MAST4: variants seen among roughly 807,000 people sequenced by gnomAD.
MAST4 encodes microtubule-associated serine/threonine-protein kinase 4.
A neutral mutation model predicts 162.7 loss-of-function variants in MAST4; 89 were observed. The observed-to-expected ratio is 0.55, with a 90% CI of 0.46 to 0.65. The LOEUF is 0.65. Ranked by LOEUF, MAST4 falls within the 30% of genes least tolerant of loss-of-function variation. The pLI, the probability that MAST4 is intolerant of heterozygous loss-of-function variation, is 0.00. For synonymous variants in MAST4, 1,479 were observed against 1,361.1 expected (o/e 1.09, Z -1.91); for missense variants, 3,153 against 3,374.0 (o/e 0.93, Z 1.62).
intron 1 of MAST4, among the ~76,000 whole-genome samples, chr5:66,646,480 T>C (rs1358421494): frequency 6.6e-6 from 1 of 152,172 alleles, no homozygotes; most frequent in Non-Finnish European, 1.5e-5. Context: ...GACATTCTGT[T>C]CCTACTTGTC....
chr5:66,741,974 T>C (rs1389630371), intron 1 of MAST4, among the ~76,000 whole-genome samples: 1 of 152,226 alleles, frequency 6.6e-6, no homozygotes, highest in South Asian at 2.1e-4. Flanking sequence ...TTCAGGTTGT[T>C]ATATACTAGA....
At chr5:66,918,858 G>T (rs149218817) in intron 4 of MAST4, among the ~76,000 whole-genome samples, 1 of 152,206 alleles carries the variant, frequency 6.6e-6, no homozygotes, top group African/African-American at 2.4e-5. Context: ...ATATATTAAT[G>T]ATATACTTAG....
chr5:67,033,947 A>T (rs540837939), intron 4 of MAST4, among the ~76,000 whole-genome samples: 1 of 152,162 alleles, frequency 6.6e-6, no homozygotes, highest in South Asian at 2.1e-4. Context: ...TAGATTTGTA[A>T]CCCTGTTTAT....
chr5:66,705,170 C>T (rs1750050864), intron 1 of MAST4, among the ~76,000 whole-genome samples: 2 of 152,194 alleles, frequency 1.3e-5, no homozygotes, highest in South Asian at 2.1e-4. Flanking sequence ...TTTTTATTTA[C>T]ATGTGGTAGT....
intron 4 of MAST4, among the ~76,000 whole-genome samples, chr5:67,020,426 A>G (rs1274397124): frequency 6.6e-6 from 1 of 152,200 alleles, no homozygotes; most frequent in Non-Finnish European, 1.5e-5. Flanking sequence ...CCCCTTTGGT[A>G]TGAAGGAATT....
chr5:66,633,854 G>A (rs1020421022), intron 1 of MAST4, among the ~76,000 whole-genome samples: 1 of 152,064 alleles, frequency 6.6e-6, no homozygotes, highest in African/African-American at 2.4e-5. Context: ...TTTTAGACTT[G>A]GTTCTTCTGA....
chr5:66,776,344 C>T (rs1371928235), intron 2 of MAST4, among the ~76,000 whole-genome samples: 6 of 152,062 alleles, frequency 3.9e-5, no homozygotes, highest in Non-Finnish European at 7.4e-5. Context: ...AGCAAAAGAG[C>T]GTCATTGAGT....
intron 3 of MAST4, among the ~76,000 whole-genome samples, chr5:66,882,514 C>T (rs1761756992): frequency 6.6e-6 from 1 of 151,978 alleles, no homozygotes; most frequent in African/African-American, 2.4e-5. Flanking sequence ...CTTTACTCTG[C>T]CAGTTAGTAA....
chr5:66,821,708 G>T (rs1383893571), intron 3 of MAST4, among the ~76,000 whole-genome samples: 3 of 152,150 alleles, frequency 2.0e-5, no homozygotes, highest in East Asian at 1.9e-4. Flanking sequence ...GGCATGTGAG[G>T]CTCAGCTCAT....
At chr5:66,942,550 A>C (rs1368148244) in intron 4 of MAST4, among the ~76,000 whole-genome samples, 1 of 152,188 alleles carries the variant, frequency 6.6e-6, no homozygotes, top group Non-Finnish European at 1.5e-5. Flanking sequence ...AGTGGCTGTC[A>C]TGCAGTGTGA....
At chr5:66,883,489 C>T (rs553698317) in intron 3 of MAST4, among the ~76,000 whole-genome samples, 27 of 138,366 alleles carry the variant, frequency 2.0e-4, no homozygotes, top group East Asian at 1.3e-3. Flanking sequence ...AGTGCAGTGG[C>T]GTGATCTCGG....
At chr5:66,625,520 G>A (rs910505633) in intron 1 of MAST4, among the ~76,000 whole-genome samples, 4 of 152,020 alleles carry the variant, frequency 2.6e-5, no homozygotes, top group Admixed American at 6.6e-5. Context: ...CCAATTAAAC[G>A]GGCAAAGTAC....
chr5:66,764,487 A>G (rs1053065814), intron 2 of MAST4, among the ~76,000 whole-genome samples: 1 of 152,180 alleles, frequency 6.6e-6, no homozygotes, highest in African/African-American at 2.4e-5. Context: ...CATTTTGGTC[A>G]GTGATGGGCC....
At chr5:66,930,750 C>G in intron 4 of MAST4, 1 of 470,822 alleles carries the variant, frequency 2.1e-6, no homozygotes, top group South Asian at 1.5e-5. Flanking sequence ...CTTTCAGCAA[C>G]TGAGCGATTC....
intron 4 of MAST4, among the ~76,000 whole-genome samples, chr5:67,033,315 C>CTGTGTGTGTGTGTG (rs146627241): frequency 0.015 from 1,850 of 125,956 alleles, 32 homozygotes; most frequent in African/African-American, 0.026. Context: ...TTTCATTTCT[C>CTGTGTGTGTGTGTG]TGTGTGTGTG....
intron 1 of MAST4, among the ~76,000 whole-genome samples, chr5:66,700,061 A>G (rs977333626): frequency 3.9e-5 from 6 of 152,116 alleles, no homozygotes; most frequent in African/African-American, 1.2e-4. Context: ...TTTGGTGTTG[A>G]CTGCAGCCCA....
intron 4 of MAST4, among the ~76,000 whole-genome samples, chr5:67,030,874 G>T (rs1038334781): frequency 6.6e-5 from 10 of 152,140 alleles, no homozygotes; most frequent in African/African-American, 2.4e-4. Context: ...AGAGGCCAAG[G>T]TCATGGGTGT....
At position 67,054,497 on chromosome 5, in the gene MAST4, T is replaced by G. The variant is rs1758568273; in HGVS notation, c.763+5T>G. The G allele has an allele frequency of 6.2e-7, 1 of 1,600,118 alleles. No individual in the cohort carries two copies. The highest frequency in any genetic ancestry group is 8.5e-7 in the Non-Finnish European group (1 of 1,174,370). ...CACCTCTCTCTGCTCATGCAGGTAA[T>G]TGGTTACCATTTCTTGAGTTTTGTT... On this transcript the variant is annotated splice_donor_5th_base_variant and intron_variant, in intron 5 of 28. Transcript: ENST00000403625.
At chr5:67,112,046 G>GC (rs879855361) in intron 11 of MAST4, among the ~76,000 whole-genome samples, 6 of 145,202 alleles carry the variant, frequency 4.1e-5, no homozygotes, top group Non-Finnish European at 9.1e-5. Flanking sequence ...CTTGCAGCAA[G>GC]TTTTTTTTTT....
Sources: allele counts gnomAD v4.1 joint callset (sites outside exome capture counted in the v4.1 genomes callset), GRCh38; gene constraint gnomAD v4.1.1; transcripts MANE v1.5; gene names NCBI Gene and HGNC (gene_info 2026-07-23, HGNC 2026-07-21).